Variants in CDH2 observed in about 807,000 individuals in gnomAD.
CDH2 encodes the protein cadherin-2.
Under a neutral mutation model 92.0 loss-of-function variants are expected in CDH2, and 17 were observed. The observed-to-expected ratio is 0.18, with a 90% CI of 0.13 to 0.28. The LOEUF (loss-of-function observed/expected upper bound fraction) is 0.28. CDH2 is among the 10% of genes least tolerant of loss of function. The pLI, the probability that CDH2 is intolerant of heterozygous loss-of-function variation, is 1.00. For missense variants in CDH2, 862 were observed against 1,133.1 expected (o/e 0.76, Z 3.44); for synonymous variants, 419 against 415.9 (o/e 1.01, Z -0.09).
chr18:28,052,965 G>T (rs1180390472), intron 2 of CDH2, among the ~76,000 whole-genome samples: 1 of 152,014 alleles, frequency 6.6e-6, no homozygotes, highest in Non-Finnish European at 1.5e-5. Flanking sequence ...CGTATGGGGG[G>T]GTCCTAATCC....
At chr18:27,985,812 G>A (rs777603017) in intron 11 of CDH2, 51 bp from the exon 12 acceptor site, 2 of 1,057,668 alleles carry the variant, frequency 1.9e-6, no homozygotes, top group Non-Finnish European at 2.8e-6. Context: ...TCTCCAATGA[G>A]CCTCAATTAT....
At chr18:28,025,339 G>A (rs548215511) in intron 2 of CDH2, among the ~76,000 whole-genome samples, 86 of 152,084 alleles carry the variant, frequency 5.7e-4, no homozygotes, top group Non-Finnish European at 1.1e-3. Flanking sequence ...GCAATATGGT[G>A]AAACCCAGTT....
intron 1 of CDH2, among the ~76,000 whole-genome samples, chr18:28,165,698 G>A (rs1011120037): frequency 6.6e-6 from 1 of 151,244 alleles, no homozygotes; most frequent in African/African-American, 2.4e-5. Flanking sequence ...TCTGGCTTCA[G>A]AGTCCCCAAT....
chr18:27,992,858 C>G lies in CDH2; in HGVS notation c.1159-18G>C. The stretch of plus-strand genomic sequence containing the variant: ...CCATAAAACTGCGAGAAAGACAAAC[C>G]TCAGTCAGAGGAGGGGCATGGACCA... On this transcript the variant is annotated intron_variant, in intron 8 of 15. Transcript: ENST00000269141. 1 of 1,606,814 alleles carries G rather than the reference C, an allele frequency of 6.2e-7. No homozygotes were observed. Among genetic ancestry groups the G allele is most frequent in the Non-Finnish European group, 8.5e-7 (1 of 1,174,948 alleles).
intron 1 of CDH2, among the ~76,000 whole-genome samples, chr18:28,157,825 C>T (rs7242128): frequency 0.068 from 10,187 of 150,792 alleles, 1,099 homozygotes; most frequent in African/African-American, 0.23. Flanking sequence ...CTTTTTTAAA[C>T]ATTTTGTTTT....
At chr18:28,146,202 A>G (rs935027810) in intron 2 of CDH2, 2 of 152,152 alleles carry the variant, frequency 1.3e-5, no homozygotes, top group African/African-American at 4.8e-5. Context: ...TTACCCATTT[A>G]AAAATGAATC....
chr18:28,036,451 A>T, intron 2 of CDH2: 2 of 1,201,428 alleles, frequency 1.7e-6, no homozygotes, highest in Non-Finnish European at 2.5e-6. Flanking sequence ...TATGGAATGA[A>T]TAAGGCAATT....
intron 10 of CDH2, 27 bp downstream of exon 10, chr18:27,990,070 A>G (rs756260773): frequency 6.2e-7 from 1 of 1,605,678 alleles, no homozygotes; most frequent in East Asian, 2.2e-5. Flanking sequence ...AGTAAGCTAC[A>G]AAAACACTAC....
intron 15 of CDH2, among the ~76,000 whole-genome samples, chr18:27,961,690 A>G (rs939493042): frequency 6.6e-6 from 1 of 152,186 alleles, no homozygotes; most frequent in Non-Finnish European, 1.5e-5. Flanking sequence ...GCACTGAGAA[A>G]AGAAGAGTAT....
At chr18:27,955,415 TAAAA>T (rs757894669) in intron 15 of CDH2, among the ~76,000 whole-genome samples, 2 of 116,034 alleles carry the variant, frequency 1.7e-5, no homozygotes, top group Non-Finnish European at 3.7e-5. Context: ...AATGACAAGT[TAAAA>T]AAAAAAAAAA....
chr18:27,937,360 A>G (rs2871593), intron 6 of CDH2, among the ~76,000 whole-genome samples: 14,800 of 152,200 alleles, frequency 0.097, 1,528 homozygotes, highest in East Asian at 0.49. Context: ...ATGTGATTTT[A>G]GGCAACTTAC....
At chr18:28,041,664 A>G (rs1357699910) in intron 2 of CDH2, among the ~76,000 whole-genome samples, 1 of 152,210 alleles carries the variant, frequency 6.6e-6, no homozygotes, top group Non-Finnish European at 1.5e-5. Context: ...CATTCTTAAC[A>G]GAATTAAGAA....
At chr18:28,095,807 CAAAAA>C (rs33981188) in intron 2 of CDH2, among the ~76,000 whole-genome samples, 17 of 102,920 alleles carry the variant, frequency 1.7e-4, no homozygotes, top group Admixed American at 3.4e-4. Flanking sequence ...GCAACTCCAT[CAAAAA>C]AAAAAAAAAA....
chr18:28,024,524 G>A (rs1005360294), intron 2 of CDH2, among the ~76,000 whole-genome samples: 5 of 150,460 alleles, frequency 3.3e-5, no homozygotes, highest in East Asian at 1.9e-4. Context: ...AAAATAAAGC[G>A]AATAAAAAGC....
chr18:28,019,514 TGAGG>T (rs1262351486), intron 2 of CDH2, among the ~76,000 whole-genome samples: 1 of 152,014 alleles, frequency 6.6e-6, no homozygotes, highest in Non-Finnish European at 1.5e-5. Flanking sequence ...TCACAGTGCT[TGAGG>T]GAGGAAAGAA....
chr18:28,009,173 C>T (rs1240231441), intron 5 of CDH2, among the ~76,000 whole-genome samples: 2 of 151,884 alleles, frequency 1.3e-5, no homozygotes, highest in Admixed American at 6.6e-5. Context: ...AGTGTAAAAA[C>T]GATGTTATAC....
chr18:28,011,687 A>T (rs1167667509), intron 4 of CDH2, among the ~76,000 whole-genome samples, 159 bp downstream of exon 4: 1 of 152,184 alleles, frequency 6.6e-6, no homozygotes, highest in Admixed American at 6.5e-5. Context: ...AGAAAATGAG[A>T]AGAGGCTTTC....
At chr18:27,982,902 C>T (rs200453122) in intron 14 of CDH2, 42 bp downstream of exon 14, 98 of 1,388,490 alleles carry the variant, frequency 7.1e-5, no homozygotes, top group South Asian at 1.7e-4. Flanking sequence ...TAAATTTATA[C>T]GATCATAAAA....
intron 2 of CDH2, among the ~76,000 whole-genome samples, chr18:28,041,136 T>G (rs1192556880): frequency 6.6e-6 from 1 of 152,166 alleles, no homozygotes. Context: ...AACCATGAAT[T>G]AGTAACTTTA....
Sources: gnomAD v4.1 joint callset for allele counts (sites outside exome capture counted in the v4.1 genomes callset) on GRCh38, gnomAD v4.1.1 for gene constraint, MANE v1.5 for transcripts, NCBI Gene and HGNC (gene_info 2026-07-23, HGNC 2026-07-21) for gene names.